Variants in GABRA5 observed in about 807,000 individuals in gnomAD.
The protein encoded by GABRA5 is gamma-aminobutyric acid type A receptor subunit alpha5, also known as gamma-aminobutyric acid receptor subunit alpha-5.
Under a neutral mutation model 47.3 loss-of-function variants are expected in GABRA5, and 18 were observed. That is an observed-to-expected ratio of 0.38 (90% CI 0.26 to 0.56). The LOEUF (loss-of-function observed/expected upper bound fraction) is 0.56. Ranked by LOEUF, GABRA5 falls within the 20% of genes least tolerant of loss-of-function variation. GABRA5 has a pLI of 0.71. For synonymous variants in GABRA5, 237 were observed against 229.3 expected, an observed-to-expected ratio of 1.03 and a Z score of -0.30; for missense variants, 365 against 599.3, an observed-to-expected ratio of 0.61 and a Z score of 4.08.
At chr15:26,914,206 T>A (rs1478037308) in intron 6 of GABRA5, among the ~76,000 whole-genome samples, 1 of 152,156 alleles carries the variant, frequency 6.6e-6, no homozygotes, top group Non-Finnish European at 1.5e-5. Context: ...GTTATGATAT[T>A]ACAGGTTCAC....
At chr15:26,922,003 GCA>G in intron 7 of GABRA5, among the ~76,000 whole-genome samples, 1 of 152,130 alleles carries the variant, frequency 6.6e-6, no homozygotes, top group South Asian at 2.1e-4. Context: ...ATTGTTTTAT[GCA>G]CAATATGGCC....
chr15:26,948,473 A>G lies in GABRA5; in HGVS notation c.*240A>G. On this transcript the variant is annotated 3_prime_UTR_variant, in exon 11 of 11. Transcript: ENST00000335625. ...CTGGAAAAACAGGATACGATGACTG[A>G]CACTCAGATGCCCAGTATCATACGT... 1 of 528,570 alleles carries G rather than the reference A, an allele frequency of 1.9e-6. No homozygotes were observed. The allele number at this position is 528,570 out of a possible 1,614,324, so 32.7% of individuals were successfully genotyped here.
intron 10 of GABRA5, among the ~76,000 whole-genome samples, chr15:26,945,115 G>A (rs896299297): frequency 2.6e-5 from 4 of 152,234 alleles, no homozygotes; most frequent in Non-Finnish European, 5.9e-5. Context: ...AGAATAAGCC[G>A]CGTGCCTCAA....
intron 6 of GABRA5, among the ~76,000 whole-genome samples, chr15:26,894,753 G>A (rs12916722): frequency 0.85 from 128,937 of 151,728 alleles, 55,105 homozygotes; most frequent in Non-Finnish European, 0.9. Flanking sequence ...TGCAGGTGAT[G>A]GAACTCAGTT....
chr15:26,930,003 C>CT (rs1203493810), intron 7 of GABRA5, among the ~76,000 whole-genome samples: 27 of 115,014 alleles, frequency 2.3e-4, no homozygotes, highest in African/African-American at 8.9e-4. Flanking sequence ...TCTTCTTCTT[C>CT]TTCTTTTTTT....
At chr15:26,874,565 A>G (rs997777925) in intron 3 of GABRA5, among the ~76,000 whole-genome samples, 2 of 152,318 alleles carry the variant, frequency 1.3e-5, no homozygotes, top group African/African-American at 4.8e-5. Context: ...ATGGGAAACC[A>G]AAGAATATCC....
At chr15:26,930,424 C>T (rs995156644) in intron 7 of GABRA5, among the ~76,000 whole-genome samples, 2 of 152,124 alleles carry the variant, frequency 1.3e-5, no homozygotes, top group East Asian at 1.9e-4. Context: ...TTTCCTTAGC[C>T]GATATTCAAC....
intron 3 of GABRA5, among the ~76,000 whole-genome samples, chr15:26,874,392 C>T (rs1191212197): frequency 1.3e-5 from 2 of 151,988 alleles, no homozygotes; most frequent in African/African-American, 4.8e-5. Context: ...GGTGTTAGAG[C>T]TTAGAGAAGT....
At chr15:26,931,065 T>A (rs12438891) in intron 7 of GABRA5, among the ~76,000 whole-genome samples, 33,923 of 151,356 alleles carry the variant, frequency 0.22, 4,095 homozygotes, top group East Asian at 0.49. Context: ...CCCGCTAATT[T>A]TTGTATTTTT....
intron 9 of GABRA5, among the ~76,000 whole-genome samples, chr15:26,941,462 A>G (rs1020125232): frequency 3.3e-5 from 5 of 152,132 alleles, no homozygotes; most frequent in Non-Finnish European, 5.9e-5. Flanking sequence ...AAAGATTTCT[A>G]TTGATTCCTT....
At chr15:26,879,839 A>G (rs554666974) in intron 3 of GABRA5, among the ~76,000 whole-genome samples, 2 of 152,296 alleles carry the variant, frequency 1.3e-5, no homozygotes, top group African/African-American at 2.4e-5. Flanking sequence ...AGTACCAGGA[A>G]TCACATGTTC....
intron 3 of GABRA5, chr15:26,877,805 T>C (rs1174320939): frequency 2.7e-6 from 1 of 376,906 alleles, no homozygotes; most frequent in Admixed American, 3.6e-5. Context: ...TAAGAGAACC[T>C]AGTGAATTAA....
chr15:26,868,195 G>A (rs1892370649), intron 1 of GABRA5: 1 of 152,026 alleles, frequency 6.6e-6, no homozygotes, highest in Non-Finnish European at 1.5e-5. Context: ...CGCCGCCCGG[G>A]TTTCCCGCAT....
chr15:26,930,589 C>G (rs184034340), intron 7 of GABRA5, among the ~76,000 whole-genome samples: 21 of 152,262 alleles, frequency 1.4e-4, no homozygotes, highest in Admixed American at 1.1e-3. Context: ...TTGGAATGAC[C>G]TTTACTGTCC....
chr15:26,887,305 A>C (rs1275961622), intron 6 of GABRA5, among the ~76,000 whole-genome samples: 1 of 152,144 alleles, frequency 6.6e-6, no homozygotes, highest in Non-Finnish European at 1.5e-5. Flanking sequence ...AGTGTAGAAC[A>C]AACTAGGTTT....
Position 26,941,439 on chromosome 15 carries a change from C to A in GABRA5, c.877+1362C>A, listed in dbSNP as rs181573028. Among the ~76,000 whole-genome samples, 142 of 148,648 alleles carry A rather than the reference C, an allele frequency of 9.6e-4. 1 individual carries two copies. Among genetic ancestry groups the A allele is most frequent in the African/African-American group, 3.4e-3 (136 of 40,578 alleles). On this transcript the variant is annotated intron_variant, in intron 9 of 10. Coordinates refer to ENST00000335625, the MANE Select transcript of GABRA5 (RefSeq NM_000810.4). ...CAACACAGTGATTAAGTGGATTTCT[C>A]AAAAAAAAAATCAAAGATTTCTATT...
intron 3 of GABRA5, among the ~76,000 whole-genome samples, chr15:26,875,283 C>T (rs1892566804): frequency 6.6e-6 from 1 of 152,216 alleles, no homozygotes; most frequent in South Asian, 2.1e-4. Context: ...GCCTTGCCCA[C>T]ATCTGCAATG....
intron 7 of GABRA5, among the ~76,000 whole-genome samples, chr15:26,931,146 G>C (rs931616712): frequency 2.0e-5 from 3 of 151,922 alleles, no homozygotes; most frequent in African/African-American, 7.3e-5. Flanking sequence ...TGATCCACCT[G>C]TCTCGGCCTC....
At chr15:26,937,361 G>T in intron 8 of GABRA5, 33 bp downstream of exon 8, 1 of 1,570,112 alleles carries the variant, frequency 6.4e-7, no homozygotes, top group Non-Finnish European at 8.6e-7. Context: ...GCTGCCAGGC[G>T]CACTCAGGAC....
Sources: gnomAD v4.1 joint callset for allele counts (sites outside exome capture counted in the v4.1 genomes callset) on GRCh38, gnomAD v4.1.1 for gene constraint, MANE v1.5 for transcripts, NCBI Gene and HGNC (gene_info 2026-07-23, HGNC 2026-07-21) for gene names.